Variants in EXOSC5 observed in about 807,000 individuals in gnomAD.
EXOSC5 encodes exosome component 5.
In EXOSC5, 15 loss-of-function variants were observed where a neutral mutation model predicts 23.7. The ratio of observed to expected loss-of-function variants is 0.63; its 90% CI spans 0.42 to 0.97. EXOSC5 has a LOEUF of 0.97. Ranked by LOEUF, EXOSC5 falls within the 50% of genes least tolerant of loss-of-function variation. The probability of loss-of-function intolerance (pLI) is 0.00; values close to 1 mark genes in which losing one functional copy is unlikely to be tolerated. For synonymous variants in EXOSC5, 143 were observed against 140.9 expected, an observed-to-expected ratio of 1.02 and a Z score of -0.11; for missense variants, 305 against 316.3, an observed-to-expected ratio of 0.96 and a Z score of 0.27.
intron 1 of EXOSC5, among the ~76,000 whole-genome samples, chr19:41,396,812 G>A (rs1236387253): frequency 6.9e-6 from 1 of 144,848 alleles, no homozygotes; most frequent in African/African-American, 2.6e-5. Context: ...GCTTCAGTCC[G>A]GGATGCAAGG....
rs1003260744 is a variant in EXOSC5 at position 41,387,701 on chromosome 19, T to C, written c.526-98A>G. On this transcript the variant is annotated intron_variant, in intron 4 of 5. Coordinates refer to ENST00000221233, the MANE Select transcript of EXOSC5 (RefSeq NM_020158.4). ...GGCCAGGCACAGTGGCTCATGACCA[T>C]AATCTCACCACTTTGGGAGGCCAAG... 5.2e-6 allele frequency: 4 copies of C among 771,566 alleles called. No homozygotes were observed. The South Asian group carries it at 1.1e-4, about 22-fold the overall frequency. 47.8% of individuals were successfully genotyped at this position (771,566 alleles called of 1,614,324 possible).
rs2039035271 is a variant in EXOSC5, at chr19:41,392,969, C to G, written c.160G>C (p.Val54Leu). 1 of 1,613,036 alleles carries G rather than the reference C, an allele frequency of 6.2e-7. No homozygotes were observed. Among genetic ancestry groups the G allele is most frequent in the African/African-American group, 1.3e-5 (1 of 74,882 alleles). The change falls in exon 2 of 6, where the codon GTC (valine) becomes CTC (leucine). Residue 54 changes from valine (V) to leucine (L), a missense_variant. Val to Leu is a conservative substitution (Grantham distance 32). Transcript: ENST00000221233. ...SASFLQGDTS[V>L]LAGVYGPAEV... ...GCCGGCCCGTACACACCCGCCAGGACAGAGGTGTCACCTGAGGAGACAGCA... is the reference window on the plus strand; with the variant it reads ...GCCGGCCCGTACACACCCGCCAGGAGAGAGGTGTCACCTGAGGAGACAGCA...
chr19:41,392,471 C>T (rs113072091), intron 2 of EXOSC5, among the ~76,000 whole-genome samples: 1 of 151,952 alleles, frequency 6.6e-6, no homozygotes, highest in Admixed American at 6.6e-5. Context: ...GTAATCCCAG[C>T]GACTCGGGAG....
intron 1 of EXOSC5, among the ~76,000 whole-genome samples, chr19:41,396,291 C>G (rs181163839): frequency 4.2e-4 from 64 of 152,170 alleles, no homozygotes; most frequent in African/African-American, 1.5e-3. Context: ...CCCACTGCAA[C>G]TTCTGCCTCC....
chr19:41,389,923 T>C lies in EXOSC5; in HGVS notation c.385-18A>G, dbSNP rs774828799. 1 of 1,568,078 alleles carries C rather than the reference T, an allele frequency of 6.4e-7. No individual in the cohort carries two copies. The highest frequency in any genetic ancestry group is 8.6e-7 in the Non-Finnish European group (1 of 1,163,510). On this transcript the variant is annotated intron_variant, in intron 3 of 5. Transcript: ENST00000221233. ...GCCAGGAGCTGAGCACCACAGGAAATGGTTAAGTTTCTTTTTTTTTTTTTT... is the reference window on the plus strand; with the variant it reads ...GCCAGGAGCTGAGCACCACAGGAAACGGTTAAGTTTCTTTTTTTTTTTTTT...
intron 1 of EXOSC5, 65 bp downstream of exon 1, chr19:41,397,116 G>A: frequency 3.9e-6 from 6 of 1,530,994 alleles, no homozygotes; most frequent in Non-Finnish European, 5.3e-6. Flanking sequence ...GTGAGGAGGT[G>A]GGCACTCGGT....
chr19:41,391,940 C>T lies in EXOSC5; in HGVS notation c.285G>A (p.Glu95=), dbSNP rs906048621. Residue 95 remains glutamate (E), a synonymous_variant, in exon 3 of 6, where the codon GAG becomes GAA. Transcript: ENST00000221233. The part of the protein sequence containing the change: ...GLPGVAEKSR[E]RLIRNTCEAV... ...CCTCGCACGTGTTCCTGATCAGCCG[C>T]TCCCGGCTCTTCTCTGCAACACCTG... 6.3e-7 allele frequency: 1 copy of T among 1,582,858 alleles called. No homozygotes were observed. Among genetic ancestry groups the T allele is most frequent in the African/African-American group, 1.4e-5 (1 of 72,640 alleles).
rs745885660 is a variant in EXOSC5 at position 41,397,220 on chromosome 19, G to A, written c.109C>T (p.Leu37=). The change falls in exon 1 of 6, where the codon CTG becomes TTG. Residue 37 remains leucine (L), a synonymous_variant. Transcript: ENST00000221233. ...SLRHFACEQN[L]LSRPDGSASF... Reference sequence around the variant, plus strand: ...GCAGAGCCATCTGGCCGCGACAGCAGGTTCTGTTCGCAGGCAAAGTGCCGG... The same window carrying A: ...GCAGAGCCATCTGGCCGCGACAGCAAGTTCTGTTCGCAGGCAAAGTGCCGG... 6.2e-7 allele frequency: 1 copy of A among 1,614,206 alleles called. No individual in the cohort carries two copies. Among genetic ancestry groups the A allele is most frequent in the South Asian group, 1.1e-5 (1 of 91,090 alleles).
intron 3 of EXOSC5, chr19:41,391,560 T>C: frequency 2.7e-6 from 1 of 367,804 alleles, no homozygotes; most frequent in Non-Finnish European, 4.8e-6. Context: ...CCAGGGTCCG[T>C]GGGCTCTAGA....
At chr19:41,393,088 G>C (rs1418199807) in intron 1 of EXOSC5, 108 bp from the exon 2 acceptor site, 1 of 786,664 alleles carries the variant, frequency 1.3e-6, no homozygotes. Context: ...CCCGCCATTT[G>C]TTGGTACTGA....
At position 41,397,274 on chromosome 19, in the gene EXOSC5, A is replaced by G. The variant is rs538950148; in HGVS notation, c.55T>C (p.Ser19Pro). The G allele has an allele frequency of 6.2e-7, 1 of 1,614,092 alleles. No individual in the cohort carries two copies. The highest frequency in any genetic ancestry group is 1.1e-5 in the South Asian group (1 of 91,084). Reference sequence around the variant, plus strand: ...CTGCAGCCAGGACCCCGAGGGCTGGACCCTGTTCCATTTTCAGCACGGATT... The same window carrying G: ...CTGCAGCCAGGACCCCGAGGGCTGGGCCCTGTTCCATTTTCAGCACGGATT... The part of the protein sequence containing the change: ...AKIRAENGTG[S>P]SPRGPGCSLR... Residue 19 changes from serine to proline, a missense_variant, in exon 1 of 6, where the codon TCC becomes CCC. Transcript: ENST00000221233.
intron 2 of EXOSC5, chr19:41,392,221 C>G: frequency 2.0e-6 from 1 of 495,176 alleles, no homozygotes. Context: ...CTGCTACCCA[C>G]GCCCACTCCC....
At chr19:41,391,591 G>A (rs915273187) in intron 3 of EXOSC5, 2 of 435,378 alleles carry the variant, frequency 4.6e-6, no homozygotes, top group Non-Finnish European at 7.9e-6. Flanking sequence ...CTGGGTCTAA[G>A]TCTTGGCTCT....
intron 1 of EXOSC5, 77 bp from the exon 2 acceptor site, chr19:41,393,057 G>T: frequency 8.3e-7 from 1 of 1,199,878 alleles, no homozygotes; most frequent in Non-Finnish European, 1.2e-6. Context: ...GAGCCTGACG[G>T]CCAGGGCTCC....
At chr19:41,396,966 C>T (rs1046483711) in intron 1 of EXOSC5, among the ~76,000 whole-genome samples, 22 of 152,100 alleles carry the variant, frequency 1.4e-4, no homozygotes, top group African/African-American at 5.3e-4. Flanking sequence ...CTCTCATTCT[C>T]AGAGATAGTT....
intron 1 of EXOSC5, 24 bp downstream of exon 1, chr19:41,397,157 G>A: frequency 1.2e-6 from 2 of 1,611,134 alleles, no homozygotes; most frequent in East Asian, 2.2e-5. Flanking sequence ...CTCTCCAAAA[G>A]AAAGACCTGG....
Position 41,389,898 on chromosome 19 carries a change from G to A in EXOSC5, c.392C>T (p.Ala131Val). 1.9e-6 allele frequency: 3 copies of A among 1,599,708 alleles called. No homozygotes were observed. The highest frequency in any genetic ancestry group is 2.6e-6 in the Non-Finnish European group (3 of 1,175,584). The change falls in exon 4 of 6, where the codon GCC (alanine) becomes GTC (valine). Residue 131 changes from alanine to valine, a missense_variant. Coordinates refer to ENST00000221233, the MANE Select transcript of EXOSC5 (RefSeq NM_020158.4). ...QVVSDAGSLL[A>V]CCLNAACMAL... ...CATGCAGGCGGCATTCAGACAACAGGCCAGGAGCTGAGCACCACAGGAAAT... is the reference window on the plus strand; with the variant it reads ...CATGCAGGCGGCATTCAGACAACAGACCAGGAGCTGAGCACCACAGGAAAT...
At position 41,397,343 on chromosome 19, in the gene EXOSC5, G is replaced by A. The variant is rs1181257384; in HGVS notation, c.-15C>T. On this transcript the variant is annotated 5_prime_UTR_variant, in exon 1 of 6. It adds an upstream start codon to the 5' untranslated region. Coordinates refer to ENST00000221233, the MANE Select transcript of EXOSC5 (RefSeq NM_020158.4). ...TCCTCCTCCATCGCGCCGAGCCCACGTGCGGCTGCAGTTGTCACTTCCGCC... is the reference window on the plus strand; with the variant it reads ...TCCTCCTCCATCGCGCCGAGCCCACATGCGGCTGCAGTTGTCACTTCCGCC... 2 of 1,605,664 alleles carry A rather than the reference G, an allele frequency of 1.2e-6. No homozygotes were observed. The highest frequency in any genetic ancestry group is 1.7e-6 in the Non-Finnish European group (2 of 1,173,884).
Position 41,391,862 on chromosome 19 carries a change from C to A in EXOSC5, c.363G>T (p.Gln121His), listed in dbSNP as rs1301588054. ...ATACAGAGCCGGCATCGCTGACAACCTGCAGCACCACGGTGATGGAGGTGC... is the reference window on the plus strand; with the variant it reads ...ATACAGAGCCGGCATCGCTGACAACATGCAGCACCACGGTGATGGAGGTGC... The part of the protein sequence containing the change: ...HPRTSITVVL[Q>H]VVSDAGSLLA... The change falls in exon 3 of 6, where the codon CAG (glutamine) becomes CAT (histidine). Residue 121 changes from glutamine to histidine, a missense_variant. By Grantham distance (24) the Gln-to-His change is conservative (BLOSUM62 0). Transcript: ENST00000221233. 1 of 1,538,208 alleles carries A rather than the reference C, an allele frequency of 6.5e-7. No homozygotes were observed. Among genetic ancestry groups the A allele is most frequent in the Admixed American group, 2.3e-5 (1 of 42,570 alleles).
Sources: allele counts gnomAD v4.1 joint callset (sites outside exome capture counted in the v4.1 genomes callset), GRCh38; gene constraint gnomAD v4.1.1; transcripts MANE v1.5; gene names NCBI Gene and HGNC (gene_info 2026-07-23, HGNC 2026-07-21).